Variants in GPATCH2 observed in about 807,000 individuals in gnomAD.
The protein encoded by GPATCH2 is G-patch domain containing 2.
Under a neutral mutation model 58.0 loss-of-function variants are expected in GPATCH2, and 51 were observed. The ratio of observed to expected loss-of-function variants is 0.88; its 90% CI spans 0.70 to 1.11. GPATCH2 has a LOEUF of 1.11. GPATCH2 is among the 50% of genes most tolerant of loss of function. GPATCH2 has a pLI of 0.00. For missense variants in GPATCH2, 625 were observed against 652.2 expected, an observed-to-expected ratio of 0.96 and a Z score of 0.45; for synonymous variants, 222 against 218.5, an observed-to-expected ratio of 1.02 and a Z score of -0.14.
intron 5 of GPATCH2, among the ~76,000 whole-genome samples, chr1:217,568,610 G>A (rs1222906343): frequency 6.6e-6 from 1 of 152,212 alleles, no homozygotes; most frequent in Non-Finnish European, 1.5e-5. Context: ...TACAGGCTGA[G>A]GGAAGAGCTA....
At chr1:217,613,028 A>C (rs912647984) in intron 3 of GPATCH2, among the ~76,000 whole-genome samples, 4 of 151,776 alleles carry the variant, frequency 2.6e-5, no homozygotes, top group Admixed American at 6.6e-5. Context: ...GTTTTTTTTT[A>C]CTTTTTTTCA....
chr1:217,563,122 G>A (rs956809277), intron 5 of GPATCH2, among the ~76,000 whole-genome samples: 7 of 152,116 alleles, frequency 4.6e-5, no homozygotes, highest in African/African-American at 1.7e-4. Flanking sequence ...GGTAATATCC[G>A]TTCCTACTAG....
At chr1:217,490,926 A>G (rs535558274) in intron 8 of GPATCH2, among the ~76,000 whole-genome samples, 15 of 152,196 alleles carry the variant, frequency 9.9e-5, no homozygotes, top group Non-Finnish European at 1.8e-4. Context: ...CTCAGTTGGC[A>G]TTAGTCTGCA....
chr1:217,610,794 T>G, intron 4 of GPATCH2, 95 bp downstream of exon 4: 1 of 806,574 alleles, frequency 1.2e-6, no homozygotes, highest in Non-Finnish European at 2.0e-6. Flanking sequence ...TGTGTTTACA[T>G]TCTCTAATTT....
chr1:217,474,198 C>A (rs1057229876), intron 8 of GPATCH2, among the ~76,000 whole-genome samples: 1 of 152,094 alleles, frequency 6.6e-6, no homozygotes, highest in African/African-American at 2.4e-5. Flanking sequence ...CCACAGGAAT[C>A]CTGCCCTTTT....
At chr1:217,524,847 C>G (rs1207103028) in intron 5 of GPATCH2, among the ~76,000 whole-genome samples, 1 of 18,836 alleles carries the variant, frequency 5.3e-5, no homozygotes, top group Non-Finnish European at 1.2e-4. Flanking sequence ...AGAGGGAGAC[C>G]GGGGAGAGGG....
intron 5 of GPATCH2, among the ~76,000 whole-genome samples, chr1:217,531,191 A>G (rs1356572320): frequency 1.3e-5 from 2 of 152,210 alleles, no homozygotes; most frequent in Admixed American, 6.5e-5. Flanking sequence ...TCTTTCTTAT[A>G]TCACTTAACA....
chr1:217,454,737 C>T (rs1659862207), intron 8 of GPATCH2, among the ~76,000 whole-genome samples: 1 of 151,680 alleles, frequency 6.6e-6, no homozygotes, highest in Admixed American at 6.6e-5. Flanking sequence ...CTCAGCACCA[C>T]GCCCACCCTC....
chr1:217,618,100 G>A (rs1162809905), intron 2 of GPATCH2, among the ~76,000 whole-genome samples: 1 of 151,876 alleles, frequency 6.6e-6, no homozygotes, highest in African/African-American at 2.4e-5. Flanking sequence ...TTACTTTCAA[G>A]TAAGGTTGAA....
At chr1:217,614,789 A>T (rs1558527438) in intron 2 of GPATCH2, among the ~76,000 whole-genome samples, 2 of 149,920 alleles carry the variant, frequency 1.3e-5, no homozygotes, top group African/African-American at 2.5e-5. Flanking sequence ...AAAAAAAAAA[A>T]ATAATATTAC....
intron 5 of GPATCH2, among the ~76,000 whole-genome samples, chr1:217,572,929 A>C (rs1334018459): frequency 6.6e-6 from 1 of 152,250 alleles, no homozygotes; most frequent in East Asian, 1.9e-4. Flanking sequence ...ACCTTTGTAA[A>C]AGTAATTTCC....
At chr1:217,568,771 A>G (rs1456188201) in intron 5 of GPATCH2, among the ~76,000 whole-genome samples, 1 of 152,182 alleles carries the variant, frequency 6.6e-6, no homozygotes, top group Non-Finnish European at 1.5e-5. Flanking sequence ...TTTTAGTGAG[A>G]CAGGAGGCCA....
chr1:217,488,566 A>G (rs1441896142), intron 8 of GPATCH2, among the ~76,000 whole-genome samples: 1 of 151,944 alleles, frequency 6.6e-6, no homozygotes, highest in African/African-American at 2.4e-5. Flanking sequence ...CTTCCCTGTC[A>G]TTATATTTCA....
chr1:217,570,194 C>T (rs2102714826), intron 5 of GPATCH2, among the ~76,000 whole-genome samples: 1 of 152,228 alleles, frequency 6.6e-6, no homozygotes, highest in South Asian at 2.1e-4. Flanking sequence ...TGAATGCAAC[C>T]TCCGCCTCCT....
chr1:217,552,210 C>G (rs542359249), intron 5 of GPATCH2, among the ~76,000 whole-genome samples: 33 of 152,026 alleles, frequency 2.2e-4, no homozygotes, highest in Non-Finnish European at 4.6e-4. Flanking sequence ...TGAATAAAAA[C>G]CTTGTAAAAC....
At chr1:217,471,754 C>T (rs915353665) in intron 8 of GPATCH2, among the ~76,000 whole-genome samples, 2 of 151,616 alleles carry the variant, frequency 1.3e-5, no homozygotes, top group African/African-American at 4.9e-5. Context: ...GCTAATCAGG[C>T]AAAATGACAG....
At chr1:217,514,996 A>C (rs1230596025) in intron 5 of GPATCH2, 107 bp from the exon 6 acceptor site, 4 of 662,704 alleles carry the variant, frequency 6.0e-6, no homozygotes, top group Non-Finnish European at 1.1e-5. Context: ...AATGGAGAAT[A>C]CAAGATTTTC....
chr1:217,520,721 C>T (rs1663409535), intron 5 of GPATCH2, among the ~76,000 whole-genome samples: 1 of 152,020 alleles, frequency 6.6e-6, no homozygotes, highest in African/African-American at 2.4e-5. Flanking sequence ...CATGAACAAA[C>T]TGACAAAGAA....
At chr1:217,622,135 C>A (rs1669218450) in intron 1 of GPATCH2, among the ~76,000 whole-genome samples, 1 of 152,182 alleles carries the variant, frequency 6.6e-6, no homozygotes, top group Non-Finnish European at 1.5e-5. Flanking sequence ...GGTAGTATTA[C>A]TGTAATCCTC....
Sources: gnomAD v4.1 joint callset for allele counts (sites outside exome capture counted in the v4.1 genomes callset) on GRCh38, gnomAD v4.1.1 for gene constraint, MANE v1.5 for transcripts, NCBI Gene and HGNC (gene_info 2026-07-23, HGNC 2026-07-21) for gene names.